Variants in DTNB observed in about 807,000 individuals in gnomAD.
DTNB encodes the protein DTN-B.
A neutral mutation model predicts 90.7 loss-of-function variants in DTNB; 63 were observed. The observed-to-expected ratio is 0.69, with a 90% confidence interval of 0.57 to 0.86. DTNB has a LOEUF of 0.86. Among genes scored for constraint, DTNB ranks in the 40% least tolerant of loss-of-function variants. The pLI is 0.00. For synonymous variants in DTNB, 277 were observed against 286.7 expected (o/e 0.97, Z 0.34); for missense variants, 744 against 807.1 (o/e 0.92, Z 0.95).
At chr2:25,481,661 G>C (rs2064994957) in intron 10 of DTNB, 3 of 152,176 alleles carry the variant, frequency 2.0e-5, no homozygotes, top group Admixed American at 6.5e-5. Flanking sequence ...GATTTATTAA[G>C]TCCCTAACTT....
At chr2:25,488,430 C>T (rs1011541076) in intron 9 of DTNB, among the ~76,000 whole-genome samples, 8 of 152,060 alleles carry the variant, frequency 5.3e-5, no homozygotes, top group Non-Finnish European at 1.2e-4. Flanking sequence ...GATGGGTAGA[C>T]AGAATGAGCA....
intron 9 of DTNB, among the ~76,000 whole-genome samples, chr2:25,490,223 C>A (rs2067087217): frequency 1.3e-5 from 2 of 151,812 alleles, no homozygotes; most frequent in African/African-American, 4.8e-5. Flanking sequence ...TTGTAGTCAG[C>A]CAAGATCAAA....
chr2:25,396,899 A>G (rs1027471057), intron 16 of DTNB, among the ~76,000 whole-genome samples: 3 of 151,974 alleles, frequency 2.0e-5, no homozygotes, highest in African/African-American at 7.3e-5. Context: ...ACTGTCATGT[A>G]TTTGCAGACT....
At chr2:25,624,024 G>T (rs2073506471) in intron 4 of DTNB, among the ~76,000 whole-genome samples, 1 of 152,154 alleles carries the variant, frequency 6.6e-6, no homozygotes, top group South Asian at 2.1e-4. Context: ...CAGACCTTAA[G>T]TCTGAGAAGA....
chr2:25,509,838 T>C (rs939041912), intron 9 of DTNB, among the ~76,000 whole-genome samples: 5 of 144,616 alleles, frequency 3.5e-5, no homozygotes, highest in African/African-American at 1.0e-4. Flanking sequence ...GCAACCTCCA[T>C]CTCTTGGGTT....
chr2:25,620,611 A>C (rs2072285582), intron 4 of DTNB, among the ~76,000 whole-genome samples: 1 of 152,202 alleles, frequency 6.6e-6, no homozygotes. Flanking sequence ...GAAGATTCTT[A>C]TTTGTAAATT....
intron 9 of DTNB, among the ~76,000 whole-genome samples, chr2:25,509,560 C>T (rs2073427217): frequency 6.6e-6 from 1 of 152,060 alleles, no homozygotes; most frequent in Non-Finnish European, 1.5e-5. Context: ...TTATTTTCCT[C>T]TCAGTTCTTG....
chr2:25,631,244 CAT>C (rs1357107790), intron 3 of DTNB, among the ~76,000 whole-genome samples: 2 of 151,988 alleles, frequency 1.3e-5, no homozygotes, highest in Non-Finnish European at 1.5e-5. Context: ...TGGGACAAAA[CAT>C]ATTGTTAAAG....
intron 2 of DTNB, among the ~76,000 whole-genome samples, chr2:25,644,735 G>A (rs959948647): frequency 9.2e-5 from 14 of 152,170 alleles, no homozygotes; most frequent in Admixed American, 3.3e-4. Flanking sequence ...CTCCAGCCTG[G>A]GTGACAAAGC....
At chr2:25,421,861 C>T (rs1462232701) in intron 15 of DTNB, among the ~76,000 whole-genome samples, 1 of 152,092 alleles carries the variant, frequency 6.6e-6, no homozygotes, top group African/African-American at 2.4e-5. Flanking sequence ...GAAGAGAAAC[C>T]GTAATTTGCA....
intron 14 of DTNB, 25 bp from the exon 15 acceptor site, chr2:25,427,656 G>C (rs1416373991): frequency 6.2e-7 from 1 of 1,606,758 alleles, no homozygotes; most frequent in Non-Finnish European, 8.5e-7. Flanking sequence ...AAGCCTATCA[G>C]ATAAAGAGAC....
At chr2:25,492,211 G>C (rs1159657318) in intron 9 of DTNB, among the ~76,000 whole-genome samples, 1 of 152,138 alleles carries the variant, frequency 6.6e-6, no homozygotes, top group Admixed American at 6.5e-5. Context: ...CATATTATTA[G>C]AACTCTGTGT....
At chr2:25,438,652 G>T (rs1036628823) in intron 12 of DTNB, among the ~76,000 whole-genome samples, 1 of 152,192 alleles carries the variant, frequency 6.6e-6, no homozygotes, top group Non-Finnish European at 1.5e-5. Flanking sequence ...ATAAGGTATG[G>T]ACATACTCTG....
chr2:25,601,941 G>A (rs1055827938), intron 5 of DTNB, among the ~76,000 whole-genome samples: 9 of 152,008 alleles, frequency 5.9e-5, no homozygotes, highest in Admixed American at 2.0e-4. Flanking sequence ...GTCCAACATG[G>A]GGAAACCCGG....
intron 9 of DTNB, among the ~76,000 whole-genome samples, chr2:25,508,192 A>G (rs944550399): frequency 6.6e-6 from 1 of 152,192 alleles, no homozygotes; most frequent in Admixed American, 6.6e-5. Context: ...CATGAGAGCA[A>G]AGATTGTTTT....
At chr2:25,489,044 G>A (rs1389250095) in intron 9 of DTNB, among the ~76,000 whole-genome samples, 2 of 152,206 alleles carry the variant, frequency 1.3e-5, no homozygotes, top group East Asian at 3.8e-4. Flanking sequence ...CAGGAACAGA[G>A]GTTCTGGTTA....
chr2:25,663,602 A>G (rs1019041389), intron 1 of DTNB, among the ~76,000 whole-genome samples: 1 of 152,156 alleles, frequency 6.6e-6, no homozygotes, highest in Non-Finnish European at 1.5e-5. Context: ...TCTTATCCTG[A>G]GTGTTTTAGC....
chr2:25,594,311 A>G (rs2148385629), intron 6 of DTNB, among the ~76,000 whole-genome samples: 1 of 152,370 alleles, frequency 6.6e-6, no homozygotes, highest in East Asian at 1.9e-4. Flanking sequence ...ATGCTGAAAG[A>G]AAAAATAAAT....
At chr2:25,429,854 G>A (rs2053264943) in intron 14 of DTNB, among the ~76,000 whole-genome samples, 1 of 152,154 alleles carries the variant, frequency 6.6e-6, no homozygotes, top group Non-Finnish European at 1.5e-5. Context: ...GCACTCTGAA[G>A]ATTGATGTAA....
Sources: allele counts gnomAD v4.1 joint callset (sites outside exome capture counted in the v4.1 genomes callset), GRCh38; gene constraint gnomAD v4.1.1; transcripts MANE v1.5; gene names NCBI Gene and HGNC (gene_info 2026-07-23, HGNC 2026-07-21).